SH3D19: variants seen among roughly 807,000 people sequenced by gnomAD.
The protein encoded by SH3D19 is SH3 domain-containing protein 19.
In SH3D19, 58 loss-of-function variants were observed where a neutral mutation model predicts 112.1. That is an observed-to-expected ratio of 0.52 (90% CI 0.42 to 0.64). The LOEUF is 0.64. Among genes scored for constraint, SH3D19 ranks in the 30% least tolerant of loss-of-function variants. The pLI, the probability that SH3D19 is intolerant of heterozygous loss-of-function variation, is 0.00. For synonymous variants in SH3D19, 391 were observed against 448.5 expected (o/e 0.87, Z 1.62); for missense variants, 1,090 against 1,263.4 (o/e 0.86, Z 2.08).
rs926162561 is a variant in SH3D19, at chr4:151,215,211, C to A, written c.152+10836G>T. Among the ~76,000 whole-genome samples the A allele has an allele frequency of 3.9e-5, 6 of 152,320 alleles. No individual in the cohort carries two copies. In the East Asian group the frequency reaches 1.2e-3, roughly 29 times the overall value. On this transcript the variant is annotated intron_variant, in intron 2 of 19. Coordinates refer to ENST00000604030, the MANE Select transcript of SH3D19 (RefSeq NM_001378122.1). ...TGTTGCGAATACAGGCATGAGCCAC[C>A]ACAGCCGGCCTCATTAAAATATTCT...
chr4:151,205,636 A>G (rs1395049797), intron 2 of SH3D19, among the ~76,000 whole-genome samples: 1 of 152,220 alleles, frequency 6.6e-6, no homozygotes, highest in Non-Finnish European at 1.5e-5. Context: ...ACACTCCAAG[A>G]TTCCAATTTA....
intron 8 of SH3D19, among the ~76,000 whole-genome samples, chr4:151,162,175 G>A (rs1441073979): frequency 6.7e-6 from 1 of 150,298 alleles, no homozygotes; most frequent in Non-Finnish European, 1.5e-5. Flanking sequence ...ACAGGCCCCG[G>A]TGTGTGATAT....
intron 18 of SH3D19, 139 bp downstream of exon 18, chr4:151,128,031 T>C (rs980375018): frequency 6.5e-6 from 4 of 613,020 alleles, no homozygotes; most frequent in Non-Finnish European, 1.0e-5. Flanking sequence ...ATGAATGAAG[T>C]TTGCATAACT....
chr4:151,213,140 C>T (rs1766246676), intron 2 of SH3D19, among the ~76,000 whole-genome samples: 1 of 152,146 alleles, frequency 6.6e-6, no homozygotes, highest in African/African-American at 2.4e-5. Flanking sequence ...GAATTTACTC[C>T]TGGTGAAGAT....
At chr4:151,199,632 C>T (rs1179539556) in intron 2 of SH3D19, among the ~76,000 whole-genome samples, 2 of 152,190 alleles carry the variant, frequency 1.3e-5, no homozygotes, top group African/African-American at 4.8e-5. Flanking sequence ...TCCTGCCACA[C>T]TGGAAGCATT....
intron 17 of SH3D19, among the ~76,000 whole-genome samples, chr4:151,131,040 C>T (rs916556933): frequency 3.3e-5 from 5 of 151,894 alleles, no homozygotes; most frequent in African/African-American, 1.2e-4. Flanking sequence ...TGAATAATTT[C>T]CTTCCAGTCT....
At chr4:151,180,599 G>A (rs1760737947) in intron 3 of SH3D19, among the ~76,000 whole-genome samples, 2 of 150,822 alleles carry the variant, frequency 1.3e-5, no homozygotes, top group Non-Finnish European at 3.0e-5. Context: ...GTAGATACGG[G>A]GTTTCACCGT....
rs192906799 is a variant in SH3D19, at chr4:151,324,107, G to A, written c.112+1134C>T. ...TATAGACAGCCAAATGCCTTATTTT[G>A]ATGAAAAGTTGTAATAATGAGCATG... is the stretch of plus-strand genomic sequence containing the variant. On this transcript the variant is annotated intron_variant, in intron 1 of 19. Coordinates refer to ENST00000604030, the MANE Select transcript of SH3D19 (RefSeq NM_001378122.1). Among the ~76,000 whole-genome samples the A allele has an allele frequency of 7.8e-4, 119 of 152,240 alleles. 1 individual carries two copies. Among genetic ancestry groups the A allele is most frequent in the African/African-American group, 2.8e-3 (115 of 41,542 alleles).
At chr4:151,230,435 A>G (rs1769519971) in intron 1 of SH3D19, among the ~76,000 whole-genome samples, 1 of 152,160 alleles carries the variant, frequency 6.6e-6, no homozygotes, top group Non-Finnish European at 1.5e-5. Context: ...ACTTAACAGG[A>G]GAGAAAAATC....
chr4:151,169,831 A>AT (rs1394985661), intron 7 of SH3D19, among the ~76,000 whole-genome samples: 3 of 152,312 alleles, frequency 2.0e-5, no homozygotes, highest in African/African-American at 7.2e-5. Context: ...TTACTGCAGC[A>AT]TTTTTTGTAG....
At chr4:151,201,111 C>T (rs776389197) in intron 2 of SH3D19, among the ~76,000 whole-genome samples, 6 of 152,134 alleles carry the variant, frequency 3.9e-5, no homozygotes, top group Non-Finnish European at 7.4e-5. Flanking sequence ...CTATAGCAAA[C>T]AAACAAAACA....
chr4:151,204,771 T>C (rs1764864749), intron 2 of SH3D19, among the ~76,000 whole-genome samples: 1 of 152,198 alleles, frequency 6.6e-6, no homozygotes, highest in African/African-American at 2.4e-5. Flanking sequence ...TAACAATCAT[T>C]ATTTAAAGAA....
Position 151,148,250 on chromosome 4 carries a change from G to A in SH3D19, c.1818-64C>T. On this transcript the variant is annotated intron_variant, in intron 10 of 19. Transcript: ENST00000604030. Reference sequence around the variant, plus strand: ...TCAGTATTAAATTCTGTCCTGTCCTGTCTTACACACACACACACACACACA... The same window carrying A: ...TCAGTATTAAATTCTGTCCTGTCCTATCTTACACACACACACACACACACA... 9.2e-6 allele frequency: 12 copies of A among 1,307,158 alleles called. No individual in the cohort carries two copies. In the South Asian group the frequency reaches 1.4e-4, roughly 16 times the overall value. The allele number at this position is 1,307,158 out of a possible 1,614,324, so 81.0% of individuals were successfully genotyped here.
intron 1 of SH3D19, chr4:151,266,193 ATG>A (rs1299949752): frequency 6.6e-6 from 1 of 152,236 alleles, no homozygotes; most frequent in Non-Finnish European, 1.5e-5. Flanking sequence ...CAACAGTATT[ATG>A]CACTGGTTGA....
chr4:151,165,791 C>G lies in SH3D19; in HGVS notation c.1535-95G>C, dbSNP rs1228155815. ...ATTTAAGAGTCATATTTTTCATGCCCCTGGGGAAACTATTCATGGATAAAC... is the reference window on the plus strand; with the variant it reads ...ATTTAAGAGTCATATTTTTCATGCCGCTGGGGAAACTATTCATGGATAAAC... On this transcript the variant is annotated intron_variant, in intron 7 of 19. Transcript: ENST00000604030. 11 of 1,012,108 alleles carry G rather than the reference C, an allele frequency of 1.1e-5. No homozygotes were observed. The Admixed American group carries it at 1.9e-4, about 18-fold the overall frequency. 62.7% of individuals were successfully genotyped at this position (1,012,108 alleles called of 1,614,324 possible). A position where few individuals can be genotyped will look rare whatever the true frequency, so the allele number is the denominator to read the frequency against.
chr4:151,301,173 A>C (rs1728377907), intron 1 of SH3D19, among the ~76,000 whole-genome samples: 2 of 152,226 alleles, frequency 1.3e-5, no homozygotes, highest in African/African-American at 4.8e-5. Flanking sequence ...CCATGGTTTA[A>C]CACCATCCCC....
chr4:151,301,332 A>G (rs977686736), intron 1 of SH3D19, among the ~76,000 whole-genome samples: 8 of 152,212 alleles, frequency 5.3e-5, no homozygotes, highest in Non-Finnish European at 1.2e-4. Flanking sequence ...GGTTCAAGCA[A>G]TTCTCCTGCC....
rs556787691 is a variant in SH3D19, at chr4:151,121,942, C to T, written c.*149G>A. 87 of 536,562 alleles carry T rather than the reference C, an allele frequency of 1.6e-4. 1 individual carries two copies. Among genetic ancestry groups the T allele is most frequent in the Middle Eastern group, 8.8e-4 (2 of 2,268 alleles). 33.2% of individuals were successfully genotyped at this position (536,562 alleles called of 1,614,324 possible). A position where few individuals can be genotyped will look rare whatever the true frequency, so the allele number is the denominator to read the frequency against. ...ATGAAAATTAACTACAAAATCTGAACGTTTTCTGCTTTCAGAAAATTCTAG... is the reference window on the plus strand; with the variant it reads ...ATGAAAATTAACTACAAAATCTGAATGTTTTCTGCTTTCAGAAAATTCTAG... On this transcript the variant is annotated 3_prime_UTR_variant, in exon 20 of 20. Transcript: ENST00000604030.
At chr4:151,145,634 C>A (rs781646015) in intron 11 of SH3D19, among the ~76,000 whole-genome samples, 10 of 152,204 alleles carry the variant, frequency 6.6e-5, no homozygotes, top group Non-Finnish European at 5.9e-5. Context: ...TCTCACAAAG[C>A]CTGTTTGGTG....
Sources: gnomAD v4.1 joint callset for allele counts (sites outside exome capture counted in the v4.1 genomes callset) on GRCh38, gnomAD v4.1.1 for gene constraint, MANE v1.5 for transcripts, NCBI Gene and HGNC (gene_info 2026-07-23, HGNC 2026-07-21) for gene names.